Variants in CTNNA2 observed in about 807,000 individuals in gnomAD.
The protein encoded by CTNNA2 is catenin alpha 2, also known as catenin alpha-2.
A neutral mutation model predicts 101.0 loss-of-function variants in CTNNA2; 42 were observed. That is an observed-to-expected ratio of 0.42 (90% confidence interval 0.32 to 0.54). The LOEUF is 0.54. CTNNA2 is among the 20% of genes least tolerant of loss of function. The pLI is 0.14. For missense variants in CTNNA2, 871 were observed against 1,223.1 expected, an observed-to-expected ratio of 0.71 and a Z score of 4.29; for synonymous variants, 450 against 456.4, an observed-to-expected ratio of 0.99 and a Z score of 0.18.
At chr2:80,524,629 T>A (rs770118444) in intron 9 of CTNNA2, among the ~76,000 whole-genome samples, 1 of 152,164 alleles carries the variant, frequency 6.6e-6, no homozygotes, top group Non-Finnish European at 1.5e-5. Flanking sequence ...TGGCTCACAT[T>A]CTTTCTTCTT....
At chr2:79,687,486 AT>A in intron 2 of CTNNA2, 1 of 539,704 alleles carries the variant, frequency 1.9e-6, no homozygotes, top group Non-Finnish European at 3.3e-6. Flanking sequence ...ATTAGCTTTC[AT>A]TTTTATTTGC....
intron 7 of CTNNA2, among the ~76,000 whole-genome samples, chr2:80,070,052 T>C (rs1461037304): frequency 6.6e-6 from 1 of 152,224 alleles, no homozygotes; most frequent in Non-Finnish European, 1.5e-5. Flanking sequence ...AGTGCTACAA[T>C]TTGCCCTGGT....
chr2:80,576,983 A>G (rs1695111875), intron 13 of CTNNA2, among the ~76,000 whole-genome samples: 1 of 152,096 alleles, frequency 6.6e-6, no homozygotes, highest in African/African-American at 2.4e-5. Flanking sequence ...TTTCAAGGGT[A>G]GCACATAGAC....
At chr2:79,350,329 T>G (rs1031359437) in intron 3 of CTNNA2, among the ~76,000 whole-genome samples, 2 of 152,148 alleles carry the variant, frequency 1.3e-5, no homozygotes, top group African/African-American at 4.8e-5. Flanking sequence ...TACTTCCATC[T>G]TCATGTCATT....
intron 7 of CTNNA2, among the ~76,000 whole-genome samples, chr2:80,191,401 T>C (rs902481784): frequency 2.4e-4 from 37 of 152,244 alleles, no homozygotes; most frequent in African/African-American, 8.2e-4. Flanking sequence ...GTACTTGCTG[T>C]GTGCCAGAAG....
Position 80,574,204 on chromosome 2 carries a change from G to T in CTNNA2, c.1783G>T (p.Ala595Ser), listed in dbSNP as rs1694847576. 1.2e-6 allele frequency: 2 copies of T among 1,613,588 alleles called. No homozygotes were observed. Among genetic ancestry groups the T allele is most frequent in the Non-Finnish European group, 1.7e-6 (2 of 1,179,688 alleles). Residue 595 changes from alanine (A) to serine (S), a missense_variant, in exon 13 of 19, where the codon GCC (alanine) becomes TCC (serine). Physicochemically the swap from Ala to Ser is moderately conservative, Grantham distance 99. Transcript: ENST00000402739. ...TGAACAAGTAGAGGTTGCCATTGAAGCCCTGAGTGCCAACGTTCCTCAACC... is the reference window on the plus strand; with the variant it reads ...TGAACAAGTAGAGGTTGCCATTGAATCCCTGAGTGCCAACGTTCCTCAACC... ...FAEQVEVAIE[A>S]LSANVPQPFE...
intron 7 of CTNNA2, among the ~76,000 whole-genome samples, chr2:79,955,295 A>T (rs2104509182): frequency 6.6e-6 from 1 of 152,320 alleles, no homozygotes; most frequent in East Asian, 1.9e-4. Flanking sequence ...ATTAAATTTT[A>T]GAAGCCAGAA....
intron 13 of CTNNA2, chr2:80,576,462 TA>T (rs960463560): frequency 1.1e-4 from 17 of 151,024 alleles, no homozygotes; most frequent in African/African-American, 3.9e-4. Context: ...CAAAGTGGCT[TA>T]AAAATATATA....
At chr2:79,999,887 C>T (rs1210165960) in intron 7 of CTNNA2, among the ~76,000 whole-genome samples, 7 of 152,046 alleles carry the variant, frequency 4.6e-5, no homozygotes, top group Admixed American at 6.6e-5. Flanking sequence ...CACTTACTGA[C>T]GTGTTCATGG....
At chr2:79,325,327 G>T (rs560578097) in intron 3 of CTNNA2, among the ~76,000 whole-genome samples, 1 of 152,144 alleles carries the variant, frequency 6.6e-6, no homozygotes, top group African/African-American at 2.4e-5. Flanking sequence ...TTCAAATTCC[G>T]CCTGCCTGAA....
At chr2:80,444,983 T>A (rs376509933) in intron 9 of CTNNA2, among the ~76,000 whole-genome samples, 2 of 152,044 alleles carry the variant, frequency 1.3e-5, no homozygotes, top group Non-Finnish European at 2.9e-5. Context: ...CAAAAATATA[T>A]CCACACGTTG....
intron 1 of CTNNA2, among the ~76,000 whole-genome samples, chr2:79,598,131 T>C (rs944376534): frequency 1.3e-5 from 2 of 152,254 alleles, no homozygotes; most frequent in African/African-American, 2.4e-5. Flanking sequence ...TCTATGTCTT[T>C]TCATGGCTTA....
At chr2:79,370,441 T>G (rs939971637) in intron 3 of CTNNA2, among the ~76,000 whole-genome samples, 11 of 152,206 alleles carry the variant, frequency 7.2e-5, no homozygotes, top group Admixed American at 3.3e-4. Flanking sequence ...CTCCTTCATT[T>G]TCTTTAGAGT....
chr2:79,487,988 A>T (rs576974320), intron 4 of CTNNA2, among the ~76,000 whole-genome samples: 2 of 152,292 alleles, frequency 1.3e-5, no homozygotes, highest in Non-Finnish European at 2.9e-5. Context: ...GGGGATCAGT[A>T]ACATACTCTC....
chr2:80,222,651 C>A (rs1351726523), intron 7 of CTNNA2, among the ~76,000 whole-genome samples: 2 of 152,130 alleles, frequency 1.3e-5, no homozygotes, highest in Non-Finnish European at 2.9e-5. Flanking sequence ...GGTACACAAA[C>A]CCTAGGAAGC....
rs968139010 is a variant in CTNNA2, at chr2:80,255,361, G to A, written c.1057-137850G>A. ...ATACAGTGATTCCATACGGGCTCTGGTGCCTTTCTCACAGCTCACTGCTGT... is the reference window on the plus strand; with the variant it reads ...ATACAGTGATTCCATACGGGCTCTGATGCCTTTCTCACAGCTCACTGCTGT... On this transcript the variant is annotated intron_variant, in intron 7 of 18. Coordinates refer to ENST00000402739, the MANE Select transcript of CTNNA2 (RefSeq NM_001282597.3). Among the ~76,000 whole-genome samples the A allele has an allele frequency of 2.6e-5, 4 of 152,044 alleles. No homozygotes were observed. The East Asian group carries it at 5.8e-4, about 22-fold the overall frequency.
intron 2 of CTNNA2, among the ~76,000 whole-genome samples, chr2:79,667,354 G>A (rs1225151860): frequency 6.6e-6 from 1 of 152,046 alleles, no homozygotes; most frequent in African/African-American, 2.4e-5. Context: ...TTGGTTTTCT[G>A]GTGTGTCTTT....
chr2:79,591,379 T>TA (rs1488604847), intron 1 of CTNNA2, among the ~76,000 whole-genome samples: 2 of 152,232 alleles, frequency 1.3e-5, no homozygotes, highest in Non-Finnish European at 2.9e-5. Context: ...AGACAAGTGA[T>TA]ATGATAGAAT....
chr2:79,948,383 A>G (rs1574384319), intron 7 of CTNNA2, among the ~76,000 whole-genome samples: 1 of 152,344 alleles, frequency 6.6e-6, no homozygotes, highest in Non-Finnish European at 1.5e-5. Context: ...TTATGATGGC[A>G]GTATAAACTA....
Sources: allele counts gnomAD v4.1 joint callset (sites outside exome capture counted in the v4.1 genomes callset), GRCh38; gene constraint gnomAD v4.1.1; transcripts MANE v1.5; gene names NCBI Gene and HGNC (gene_info 2026-07-23, HGNC 2026-07-21).